RIT2: variants seen among roughly 807,000 people sequenced by gnomAD.
RIT2 encodes Ras like without CAAX 2, also known as GTP-binding protein Rit2.
RIT2 carries 24 observed loss-of-function variants against 23.7 expected under a neutral mutation model. The ratio of observed to expected loss-of-function variants is 1.01; its 90% CI spans 0.73 to 1.43. The LOEUF (loss-of-function observed/expected upper bound fraction) is 1.43. Among genes scored for constraint, RIT2 ranks in the 40% most tolerant of loss-of-function variants. The pLI is 0.00. For missense variants in RIT2, 236 were observed against 266.9 expected (o/e 0.88, Z 0.81); for synonymous variants, 107 against 91.1 (o/e 1.17, Z -0.99).
At chr18:43,034,140 C>G (rs1911922004) in intron 1 of RIT2, among the ~76,000 whole-genome samples, 1 of 152,068 alleles carries the variant, frequency 6.6e-6, no homozygotes, top group Non-Finnish European at 1.5e-5. Context: ...TAAAGAAGCT[C>G]TTGACATAAT....
chr18:42,782,331 T>C (rs1306291191), intron 4 of RIT2, among the ~76,000 whole-genome samples: 2 of 152,150 alleles, frequency 1.3e-5, no homozygotes, highest in South Asian at 2.1e-4. Flanking sequence ...TATAATATGT[T>C]ATTTGGCCCT....
At chr18:42,883,857 A>G (rs1171956135) in intron 4 of RIT2, among the ~76,000 whole-genome samples, 1 of 152,186 alleles carries the variant, frequency 6.6e-6, no homozygotes, top group Non-Finnish European at 1.5e-5. Flanking sequence ...TTAGAATCCC[A>G]GAAGTGTTAA....
intron 4 of RIT2, among the ~76,000 whole-genome samples, chr18:42,802,435 T>C (rs1473942674): frequency 1.3e-5 from 2 of 152,210 alleles, no homozygotes; most frequent in African/African-American, 4.8e-5. Context: ...ATAACATCTG[T>C]AGTCTCGTGT....
intron 4 of RIT2, among the ~76,000 whole-genome samples, chr18:42,756,444 G>A (rs1399181751): frequency 6.6e-6 from 1 of 152,086 alleles, no homozygotes; most frequent in African/African-American, 2.4e-5. Flanking sequence ...AGAAGCTCTG[G>A]TGTGCAGGGG....
At chr18:42,974,266 AAT>A in intron 2 of RIT2, 119 bp from the exon 3 acceptor site, 1 of 666,436 alleles carries the variant, frequency 1.5e-6, no homozygotes. Context: ...ATATTCCTCA[AAT>A]AACGTATATA....
chr18:42,904,401 A>G (rs1908557324), intron 4 of RIT2, among the ~76,000 whole-genome samples: 1 of 152,158 alleles, frequency 6.6e-6, no homozygotes, highest in South Asian at 2.1e-4. Context: ...GTCAGGTATT[A>G]GTCCTAAGCT....
At chr18:43,058,929 C>T (rs908676859) in intron 1 of RIT2, among the ~76,000 whole-genome samples, 4 of 151,912 alleles carry the variant, frequency 2.6e-5, no homozygotes, top group Admixed American at 1.3e-4. Context: ...TACATTGAAC[C>T]CTTGAGCCTA....
At chr18:42,797,344 C>A (rs551968992) in intron 4 of RIT2, among the ~76,000 whole-genome samples, 1 of 152,102 alleles carries the variant, frequency 6.6e-6, no homozygotes, top group South Asian at 2.1e-4. Context: ...CTTTCATTCA[C>A]CCAAAGCACA....
chr18:42,864,043 G>GAAA (rs35294397), intron 4 of RIT2, among the ~76,000 whole-genome samples: 1 of 143,644 alleles, frequency 7.0e-6, no homozygotes, highest in Non-Finnish European at 1.5e-5. Context: ...ATAAGAAAAT[G>GAAA]AAAAAAAAAA....
rs570076641 is a variant in RIT2, at chr18:42,787,225, C to T, written c.427-43505G>A. ...ATTCCCACCTATGAATGAGAACATG[C>T]GGTGTTTGGTTTTTTGTCCTTGCGA... On this transcript the variant is annotated intron_variant, in intron 4 of 4. Transcript: ENST00000326695. 8.9e-5 allele frequency among the ~76,000 whole-genome samples: 13 copies of T among 146,184 alleles called. No individual in the cohort carries two copies. In the South Asian group the frequency reaches 2.6e-3, roughly 30 times the overall value.
intron 4 of RIT2, among the ~76,000 whole-genome samples, chr18:42,765,664 A>G (rs1164855831): frequency 3.3e-5 from 5 of 152,320 alleles, no homozygotes; most frequent in Admixed American, 1.3e-4. Flanking sequence ...ACTAACGGGA[A>G]AGACTATTCT....
At chr18:42,805,598 T>A (rs1218209027) in intron 4 of RIT2, among the ~76,000 whole-genome samples, 1 of 152,226 alleles carries the variant, frequency 6.6e-6, no homozygotes, top group African/African-American at 2.4e-5. Context: ...CCTGATTTTG[T>A]AACATCATGT....
At chr18:43,001,684 G>A (rs180828669) in intron 2 of RIT2, among the ~76,000 whole-genome samples, 1 of 152,082 alleles carries the variant, frequency 6.6e-6, no homozygotes, top group Admixed American at 6.6e-5. Flanking sequence ...GATTTTATCT[G>A]GAGACTTGAA....
At chr18:42,802,317 G>A (rs550096891) in intron 4 of RIT2, among the ~76,000 whole-genome samples, 6 of 152,236 alleles carry the variant, frequency 3.9e-5, no homozygotes, top group Admixed American at 1.3e-4. Flanking sequence ...CAGCATGAAC[G>A]AACAGTGATA....
At chr18:42,842,603 T>C (rs1906797383) in intron 4 of RIT2, among the ~76,000 whole-genome samples, 3 of 152,280 alleles carry the variant, frequency 2.0e-5, no homozygotes, top group Admixed American at 2.0e-4. Flanking sequence ...CACTAATTTA[T>C]GTCTTCCTAC....
chr18:43,056,485 T>G (rs1304460920), intron 1 of RIT2, among the ~76,000 whole-genome samples: 1 of 152,138 alleles, frequency 6.6e-6, no homozygotes, highest in Admixed American at 6.6e-5. Context: ...AATATGAATT[T>G]ACAGGAACTA....
chr18:42,863,032 GT>G (rs397858419), intron 4 of RIT2, among the ~76,000 whole-genome samples: 3,157 of 143,872 alleles, frequency 0.022, 110 homozygotes, highest in African/African-American at 0.072. Context: ...CATGCCTCCT[GT>G]TTTTTTTTTT....
At chr18:42,966,839 T>C (rs1910235727) in intron 3 of RIT2, among the ~76,000 whole-genome samples, 1 of 151,840 alleles carries the variant, frequency 6.6e-6, no homozygotes, top group African/African-American at 2.4e-5. Flanking sequence ...TATATATATA[T>C]GATCTATATG....
chr18:42,850,677 A>G (rs1907028779), intron 4 of RIT2, among the ~76,000 whole-genome samples: 1 of 152,242 alleles, frequency 6.6e-6, no homozygotes, highest in Non-Finnish European at 1.5e-5. Context: ...AGCAATATGT[A>G]GAAGATACAA....
Sources: gnomAD v4.1 joint callset for allele counts (sites outside exome capture counted in the v4.1 genomes callset) on GRCh38, gnomAD v4.1.1 for gene constraint, MANE v1.5 for transcripts, NCBI Gene and HGNC (gene_info 2026-07-23, HGNC 2026-07-21) for gene names.